The following MYOF variants were observed in gnomAD, a reference collection of about 807,000 sequenced individuals.
The protein encoded by MYOF is myoferlin.
A neutral mutation model predicts 284.2 loss-of-function variants in MYOF; 244 were observed. The ratio of observed to expected loss-of-function variants is 0.86; its 90% CI spans 0.77 to 0.95. MYOF has a LOEUF of 0.95. Ranked by LOEUF, MYOF falls within the 40% of genes least tolerant of loss-of-function variation. MYOF has a pLI of 0.00. For missense variants in MYOF, 2,496 were observed against 2,560.6 expected (o/e 0.97, Z 0.54); for synonymous variants, 904 against 919.7 (o/e 0.98, Z 0.31).
In MYOF at chr10:93,316,753, T is replaced by G. The variant is rs753715773; in HGVS notation, c.5659A>C (p.Ile1887Leu). ...FRIPPRLIIQIWDNDKFSLDD... is the reference protein window; with the variant it reads ...FRIPPRLIIQLWDNDKFSLDD... ...AGAGAAAACTTGTCATTGTCCCATATCTGAATGATCAGCCTGGGTGGGATT... is the reference window on the plus strand; with the variant it reads ...AGAGAAAACTTGTCATTGTCCCATAGCTGAATGATCAGCCTGGGTGGGATT... The change falls in exon 50 of 54, where the codon ATA becomes CTA. Residue 1887 changes from isoleucine (I) to leucine (L), a missense_variant. Around this residue, in one of 3 missense-constraint regions of MYOF, gnomAD observed 2,436 missense variants for 2,480.7 expected, o/e 0.98. Coordinates refer to ENST00000359263, the MANE Select transcript of MYOF (RefSeq NM_013451.4). The G allele has an allele frequency of 6.2e-7, 1 of 1,614,008 alleles. No homozygotes were observed. The highest frequency in any genetic ancestry group is 1.7e-5 in the Admixed American group (1 of 60,012).
intron 11 of MYOF, 135 bp from the exon 12 acceptor site, chr10:93,401,679 G>A (rs2134088751): frequency 8.6e-7 from 1 of 1,164,564 alleles, no homozygotes; most frequent in East Asian, 2.5e-5. Context: ...TAAGAGTTCA[G>A]CCTGCCATCA....
chr10:93,323,578 C>T, intron 46 of MYOF: 3 of 560,844 alleles, frequency 5.3e-6, no homozygotes, highest in South Asian at 2.4e-5. Flanking sequence ...TCAGGGGTCT[C>T]TGACGGCTGC....
chr10:93,340,260 A>G, intron 38 of MYOF, 96 bp from the exon 39 acceptor site: 1 of 1,293,250 alleles, frequency 7.7e-7, no homozygotes, highest in Non-Finnish European at 1.1e-6. Flanking sequence ...AAGAGAAAGA[A>G]GCAAAAATTA....
chr10:93,435,906 AAAT>A (rs35316662), intron 3 of MYOF, among the ~76,000 whole-genome samples: 9 of 149,124 alleles, frequency 6.0e-5, no homozygotes, highest in African/African-American at 2.2e-4. Context: ...CTTGTCTCAA[AAAT>A]AATAATAATA....
chr10:93,416,504 C>T lies in MYOF; in HGVS notation c.434-6765G>A, dbSNP rs1564700966. Among the ~76,000 whole-genome samples the T allele has an allele frequency of 4.0e-5, 6 of 151,762 alleles. No homozygotes were observed. The South Asian group carries it at 1.2e-3, about 32-fold the overall frequency. ...CGCCACTGCACTCCAGCCTCGGCAA[C>T]AGAGCGAGACTCCATCTGAAGAAAA... is the stretch of plus-strand genomic sequence containing the variant. On this transcript the variant is annotated intron_variant, in intron 5 of 53. Coordinates refer to ENST00000359263, the MANE Select transcript of MYOF (RefSeq NM_013451.4).
rs149649109 is a variant in MYOF, at chr10:93,419,994, G to C, written c.433+6077C>G. On this transcript the variant is annotated intron_variant, in intron 5 of 53. Coordinates refer to ENST00000359263, the MANE Select transcript of MYOF (RefSeq NM_013451.4). Reference sequence around the variant, plus strand: ...TAAAAATTTAAAAAATTAGCCAGGCGTGGTGGCCGGTGCCTGTAATCCCAG... The same window carrying C: ...TAAAAATTTAAAAAATTAGCCAGGCCTGGTGGCCGGTGCCTGTAATCCCAG... 2.0e-5 allele frequency among the ~76,000 whole-genome samples: 3 copies of C among 152,236 alleles called. No homozygotes were observed. In the South Asian group the frequency reaches 6.2e-4, roughly 32 times the overall value.
chr10:93,333,819 C>A lies in MYOF; in HGVS notation c.4658G>T (p.Cys1553Phe). 6.2e-7 allele frequency: 1 copy of A among 1,614,160 alleles called. No homozygotes were observed. Among genetic ancestry groups the A allele is most frequent in the Non-Finnish European group, 8.5e-7 (1 of 1,180,030 alleles). Residue 1553 changes from cysteine to phenylalanine, a missense_variant, in exon 42 of 54, where the codon TGC (cysteine) becomes TTC (phenylalanine). By Grantham distance (205) the Cys-to-Phe change is radical. Transcript: ENST00000359263. Reference protein sequence around the residue: ...RELPDSVPQECTVRIYIVRGL... With the variant: ...RELPDSVPQEFTVRIYIVRGL... ...TCGAACAATGTAAATCCTAACCGTG[C>A]ATTCCTGTGGGACGCTGTCAGGTAA...
intron 46 of MYOF, chr10:93,324,251 G>C (rs913458110): frequency 2.6e-5 from 4 of 152,200 alleles, no homozygotes; most frequent in African/African-American, 9.7e-5. Context: ...TCTGTCTTCA[G>C]ACAAAAACAA....
chr10:93,337,696 T>C, intron 40 of MYOF, 119 bp downstream of exon 40: 1 of 752,486 alleles, frequency 1.3e-6, no homozygotes, highest in Non-Finnish European at 2.2e-6. Context: ...ACAGAGGTTT[T>C]CCTGGGCCCT....
chr10:93,406,260 G>A (rs1353410635), intron 7 of MYOF, among the ~76,000 whole-genome samples: 1 of 98,450 alleles, frequency 1.0e-5, no homozygotes, highest in Non-Finnish European at 2.3e-5. Flanking sequence ...CGCCTGGCCA[G>A]GCTAGAAATT....
intron 1 of MYOF, among the ~76,000 whole-genome samples, chr10:93,467,303 C>CTA (rs2057031727): frequency 6.8e-6 from 1 of 147,644 alleles, no homozygotes; most frequent in African/African-American, 2.5e-5. Context: ...TCTCCTAATG[C>CTA]TATCCCTCCC....
intron 24 of MYOF, 128 bp from the exon 25 acceptor site, chr10:93,369,904 G>T: frequency 8.4e-7 from 1 of 1,192,914 alleles, no homozygotes; most frequent in Non-Finnish European, 1.2e-6. Flanking sequence ...GTTTGCTTCA[G>T]TTAAAACATT....
rs377292560 is a variant in MYOF, at chr10:93,399,444, T to C, written c.1169A>G (p.Asp390Gly). Residue 390 changes from aspartate (D) to glycine (G), a missense_variant, in exon 13 of 54, where the codon GAT (aspartate) becomes GGT (glycine). Physicochemically the swap from Asp to Gly is moderately conservative, Grantham distance 94. Coordinates refer to ENST00000359263, the MANE Select transcript of MYOF (RefSeq NM_013451.4). ...TVKEIFGGNA[D>G]KKNLVDPFVE... ...AAAAGGATCCACGAGATTTTTCTTA[T>C]CTGCATTGCCTCCAAATATTTCCTT... is the stretch of plus-strand genomic sequence containing the variant. 1.1e-4 allele frequency: 171 copies of C among 1,613,860 alleles called. No individual in the cohort carries two copies. The highest frequency in any genetic ancestry group is 1.5e-4 in the Admixed American group (9 of 60,010).
At chr10:93,322,556 T>C (rs1842888389) in intron 48 of MYOF, among the ~76,000 whole-genome samples, 3 of 152,328 alleles carry the variant, frequency 2.0e-5, no homozygotes, top group African/African-American at 7.2e-5. Context: ...AAGAGAATAT[T>C]GAACAACAAT....
At chr10:93,308,900 C>T (rs981657846) in intron 53 of MYOF, among the ~76,000 whole-genome samples, 4 of 151,982 alleles carry the variant, frequency 2.6e-5, no homozygotes, top group Non-Finnish European at 4.4e-5. Flanking sequence ...TTAGTAGAGA[C>T]GGGGTTTCGC....
intron 3 of MYOF, among the ~76,000 whole-genome samples, chr10:93,442,886 C>T (rs543188672): frequency 2.2e-4 from 33 of 152,268 alleles, no homozygotes; most frequent in South Asian, 4.1e-4. Flanking sequence ...CAGCGGGGCA[C>T]GGTGGCTTAT....
At chr10:93,324,933 C>A (rs893257499) in intron 46 of MYOF, among the ~76,000 whole-genome samples, 1 of 152,048 alleles carries the variant, frequency 6.6e-6, no homozygotes, top group African/African-American at 2.4e-5. Context: ...GCACCCACCA[C>A]CGCGCCCAGC....
chr10:93,329,642 T>C (rs1247114394), intron 44 of MYOF, 22 bp downstream of exon 44: 10 of 1,613,126 alleles, frequency 6.2e-6, no homozygotes, highest in Non-Finnish European at 7.6e-6. Flanking sequence ...AAAGTGCCTC[T>C]TGTACAGTCA....
intron 3 of MYOF, among the ~76,000 whole-genome samples, chr10:93,448,149 C>T (rs1390138438): frequency 6.6e-6 from 1 of 152,190 alleles, no homozygotes; most frequent in Non-Finnish European, 1.5e-5. Flanking sequence ...CCAGTGCACT[C>T]CTGCCTCAGG....
Sources: allele counts gnomAD v4.1 joint callset (sites outside exome capture counted in the v4.1 genomes callset), GRCh38; gene constraint gnomAD v4.1.1; regional missense constraint gnomAD v4.1.1; transcripts MANE v1.5; gene names NCBI Gene and HGNC (gene_info 2026-07-23, HGNC 2026-07-21).